Variants in SHOC2 observed in about 807,000 individuals in gnomAD.
SHOC2 encodes SHOC2 leucine rich repeat scaffold protein.
In SHOC2, 4 loss-of-function variants were observed where a neutral mutation model predicts 50.2. The observed-to-expected ratio is 0.08, with a 90% CI of 0.04 to 0.18. The LOEUF is 0.18. Ranked by LOEUF, SHOC2 falls within the 10% of genes least tolerant of loss-of-function variation. The pLI is 1.00. For missense variants in SHOC2, 388 were observed against 669.6 expected (o/e 0.58, Z 4.64); for synonymous variants, 218 against 244.5 (o/e 0.89, Z 1.01).
At chr10:110,981,200 T>C (rs1380920918) in intron 2 of SHOC2, among the ~76,000 whole-genome samples, 2 of 152,216 alleles carry the variant, frequency 1.3e-5, no homozygotes, top group South Asian at 2.1e-4. Flanking sequence ...AGAGACTCTC[T>C]AGCCTCCCTC....
intron 1 of SHOC2, among the ~76,000 whole-genome samples, chr10:110,921,473 C>A (rs1846649235): frequency 6.6e-6 from 1 of 151,954 alleles, no homozygotes; most frequent in South Asian, 2.1e-4. Context: ...ATTGAAATCC[C>A]AGTTTCAAAT....
chr10:110,936,877 C>T (rs773711830), intron 1 of SHOC2: 2 of 1,376,050 alleles, frequency 1.5e-6, no homozygotes, highest in Non-Finnish European at 2.1e-6. Context: ...CAGCAGGAAC[C>T]ACCATCCGCT....
chr10:110,941,281 G>A (rs906525431), intron 1 of SHOC2, among the ~76,000 whole-genome samples: 6 of 151,544 alleles, frequency 4.0e-5, no homozygotes, highest in African/African-American at 1.5e-4. Context: ...TCCGTGAAAT[G>A]TCTGCCTGAG....
chr10:110,949,042 G>A (rs902947905), intron 1 of SHOC2, among the ~76,000 whole-genome samples: 2 of 151,932 alleles, frequency 1.3e-5, no homozygotes, highest in Non-Finnish European at 2.9e-5. Context: ...CCAAAAGATT[G>A]GAAACCTTGT....
chr10:110,946,565 G>A (rs1847250242), intron 1 of SHOC2, among the ~76,000 whole-genome samples: 2 of 151,992 alleles, frequency 1.3e-5, no homozygotes, highest in African/African-American at 4.8e-5. Flanking sequence ...TCTTTTATAT[G>A]TAGATCAAGA....
intron 2 of SHOC2, among the ~76,000 whole-genome samples, chr10:110,968,896 A>G (rs1040541754): frequency 2.6e-5 from 4 of 152,198 alleles, no homozygotes; most frequent in Non-Finnish European, 5.9e-5. Flanking sequence ...CCACGACACA[A>G]GGTTGGGCTA....
At chr10:110,953,815 G>C (rs1847405134) in intron 1 of SHOC2, among the ~76,000 whole-genome samples, 1 of 151,614 alleles carries the variant, frequency 6.6e-6, no homozygotes, top group Non-Finnish European at 1.5e-5. Context: ...GTGGATTGGG[G>C]GGAATAGAAA....
rs997422272 is a variant in SHOC2, at chr10:111,012,925, T to A, written c.*1107T>A. ...CTGGAATATCTGTGTCTAAGCACAA[T>A]ATCTTCACACTGTGCTGTATTGCTG... is the stretch of plus-strand genomic sequence containing the variant. On this transcript the variant is annotated 3_prime_UTR_variant, in exon 9 of 9. Transcript: ENST00000369452. 3 of 152,664 alleles carry A rather than the reference T, an allele frequency of 2.0e-5. No individual in the cohort carries two copies. Among genetic ancestry groups the A allele is most frequent in the Admixed American group, 2.0e-4 (3 of 15,278 alleles). 9.5% of individuals were successfully genotyped at this position (152,664 alleles called of 1,614,324 possible). A position where few individuals can be genotyped will look rare whatever the true frequency, so the allele number is the denominator to read the frequency against.
chr10:110,999,633 A>T lies in SHOC2; in HGVS notation c.842-782A>T, dbSNP rs571888974. Among the ~76,000 whole-genome samples the T allele has an allele frequency of 5.7e-4, 82 of 145,104 alleles. 1 individual carries two copies. In the South Asian group the frequency reaches 0.015, roughly 27 times the overall value. On this transcript the variant is annotated intron_variant, in intron 3 of 8. Transcript: ENST00000369452. Reference sequence around the variant, plus strand: ...GCACCTGTAATCCCAGCTACTTGGGAGGCTGAGGCAGGAGAATTGCTTGAA... The same window carrying T: ...GCACCTGTAATCCCAGCTACTTGGGTGGCTGAGGCAGGAGAATTGCTTGAA...
In SHOC2 at chr10:111,000,554, T is replaced by A; in HGVS notation, c.972+9T>A. 6.2e-7 allele frequency: 1 copy of A among 1,607,190 alleles called. No individual in the cohort carries two copies. Among genetic ancestry groups the A allele is most frequent in the Non-Finnish European group, 8.5e-7 (1 of 1,175,046 alleles). The stretch of plus-strand genomic sequence containing the variant: ...TTTCTACTTTACCAGAGGTAAGAAG[T>A]GGATTAGAGAAAACAAGATTTGAAA... On this transcript the variant is annotated intron_variant, in intron 4 of 8. Transcript: ENST00000369452.
At chr10:110,925,399 G>T (rs183661435) in intron 1 of SHOC2, among the ~76,000 whole-genome samples, 1 of 151,876 alleles carries the variant, frequency 6.6e-6, no homozygotes, top group African/African-American at 2.4e-5. Context: ...TATTTTTTGG[G>T]TTTTTTTGTT....
chr10:110,962,955 T>C (rs543330916), intron 1 of SHOC2, among the ~76,000 whole-genome samples: 113 of 152,310 alleles, frequency 7.4e-4, no homozygotes, highest in African/African-American at 2.7e-3. Flanking sequence ...CTAATTAAAC[T>C]ACAAGCTTGT....
Position 111,011,591 on chromosome 10 carries a change from TG to T in SHOC2, c.1541-18del. ...TAGCAACTAATTTTTAAAAAAAAAT[TG>T]ATTTTTTTTTTAAACAGGTACACTG... On this transcript the variant is annotated intron_variant, in intron 8 of 8. Transcript: ENST00000369452. The T allele has an allele frequency of 1.3e-6, 2 of 1,592,054 alleles. No homozygotes were observed. The highest frequency in any genetic ancestry group is 1.7e-6 in the Non-Finnish European group (2 of 1,161,588).
intron 1 of SHOC2, among the ~76,000 whole-genome samples, chr10:110,953,874 A>G (rs1054161822): frequency 6.6e-6 from 1 of 151,456 alleles, no homozygotes; most frequent in African/African-American, 2.4e-5. Context: ...CTTCTATAGT[A>G]TAAAAAGGAA....
chr10:110,974,784 T>G (rs1486300809), intron 2 of SHOC2, among the ~76,000 whole-genome samples: 9 of 152,168 alleles, frequency 5.9e-5, no homozygotes, highest in Admixed American at 2.0e-4. Flanking sequence ...ACAGAACACC[T>G]TTATTTCCCT....
chr10:110,953,891 T>C (rs1408594446), intron 1 of SHOC2, among the ~76,000 whole-genome samples: 8 of 151,152 alleles, frequency 5.3e-5, no homozygotes, highest in Non-Finnish European at 8.9e-5. Flanking sequence ...GGAAAATTTT[T>C]AATTATATAT....
chr10:110,963,651 A>G (rs559278800), intron 1 of SHOC2, among the ~76,000 whole-genome samples: 31 of 152,116 alleles, frequency 2.0e-4, no homozygotes, highest in Admixed American at 3.3e-4. Context: ...CATACTACCT[A>G]ATTTGGAATA....
chr10:110,936,881 A>T (rs766942635), intron 1 of SHOC2: 1 of 1,381,034 alleles, frequency 7.2e-7, no homozygotes, highest in African/African-American at 1.4e-5. Flanking sequence ...AGGAACCACC[A>T]TCCGCTTTTT....
chr10:110,979,863 A>C (rs1024606289), intron 2 of SHOC2, among the ~76,000 whole-genome samples: 4 of 127,366 alleles, frequency 3.1e-5, no homozygotes, highest in African/African-American at 1.2e-4. Flanking sequence ...ACCCAAGCTC[A>C]GTATCTTCGG....
Sources: allele counts gnomAD v4.1 joint callset (sites outside exome capture counted in the v4.1 genomes callset), GRCh38; gene constraint gnomAD v4.1.1; transcripts MANE v1.5; gene names NCBI Gene and HGNC (gene_info 2026-07-23, HGNC 2026-07-21).